The following UNC13C variants were observed in gnomAD, a reference collection of about 807,000 sequenced individuals.
UNC13C encodes the protein protein unc-13 homolog C.
In UNC13C, 174 loss-of-function variants were observed where a neutral mutation model predicts 245.4. The observed-to-expected ratio is 0.71, with a 90% CI of 0.63 to 0.80. The LOEUF is 0.80. Among genes scored for constraint, UNC13C ranks in the 30% least tolerant of loss-of-function variants. The pLI, the probability that UNC13C is intolerant of heterozygous loss-of-function variation, is 0.00. For missense variants in UNC13C, 2,829 were observed against 2,602.9 expected, an observed-to-expected ratio of 1.09 and a Z score of -1.89; for synonymous variants, 992 against 895.1, an observed-to-expected ratio of 1.11 and a Z score of -1.93.
chr15:53,984,678 T>C (rs1345056195), intron 1 of UNC13C, among the ~76,000 whole-genome samples: 1 of 152,126 alleles, frequency 6.6e-6, no homozygotes, highest in Non-Finnish European at 1.5e-5. Flanking sequence ...GCTCAGTAAA[T>C]ATTTGCTTTT....
At chr15:54,089,714 T>C (rs1899456477) in intron 2 of UNC13C, among the ~76,000 whole-genome samples, 2 of 151,680 alleles carry the variant, frequency 1.3e-5, no homozygotes, top group Admixed American at 1.3e-4. Context: ...GTGTGTTTGA[T>C]GCACTTCACC....
intron 2 of UNC13C, among the ~76,000 whole-genome samples, chr15:54,043,219 A>C (rs73416929): frequency 0.019 from 2,825 of 152,324 alleles, 107 homozygotes; most frequent in African/African-American, 0.066. Context: ...GCATTTATGC[A>C]ATAAAGGAGG....
chr15:53,859,597 T>G, the UNC13C span, among the ~76,000 whole-genome samples: 3 of 151,862 alleles, frequency 2.0e-5, no homozygotes, highest in East Asian at 5.8e-4. Flanking sequence ...GAAGGAGTCT[T>G]TGATAAGAAT....
intron 2 of UNC13C, among the ~76,000 whole-genome samples, chr15:54,043,341 A>G (rs536283990): frequency 1.3e-5 from 2 of 152,350 alleles, no homozygotes; most frequent in South Asian, 4.1e-4. Flanking sequence ...AGATACAGGA[A>G]CATGTGTCAC....
At chr15:54,289,784 C>T (rs1472758174) in intron 10 of UNC13C, among the ~76,000 whole-genome samples, 1 of 151,934 alleles carries the variant, frequency 6.6e-6, no homozygotes, top group African/African-American at 2.4e-5. Context: ...TATCACAGTA[C>T]TACATAGCAT....
intron 30 of UNC13C, among the ~76,000 whole-genome samples, chr15:54,584,286 C>CTTT (rs1159363214): frequency 2.6e-5 from 4 of 152,228 alleles, no homozygotes; most frequent in Admixed American, 6.5e-5. Context: ...TTAGAACACA[C>CTTT]TAGACCTATT....
chr15:54,085,341 T>C (rs181412524), intron 2 of UNC13C, among the ~76,000 whole-genome samples: 1 of 152,274 alleles, frequency 6.6e-6, no homozygotes, highest in African/African-American at 2.4e-5. Flanking sequence ...AAGCAAAAGA[T>C]ACAAAACATT....
intron 30 of UNC13C, among the ~76,000 whole-genome samples, chr15:54,603,579 T>G (rs952665140): frequency 6.6e-6 from 1 of 152,062 alleles, no homozygotes; most frequent in African/African-American, 2.4e-5. Flanking sequence ...TATGAAGAAC[T>G]GGCCAGGCAC....
intron 10 of UNC13C, among the ~76,000 whole-genome samples, chr15:54,280,606 C>T (rs2036954819): frequency 6.7e-6 from 1 of 148,948 alleles, no homozygotes; most frequent in South Asian, 2.1e-4. Flanking sequence ...CTCTTGCTCT[C>T]TCTCCATATA....
chr15:54,014,675 A>G lies in UNC13C; in HGVS notation c.1772A>G (p.Gln591Arg). ...GACCGGGAGCTATGGCAGAGGAAAC[A>G]GGAAGGAACAGCGACCCTGTATGAC... ...SSDRELWQRK[Q>R]EGTATLYDSP... The change falls in exon 2 of 33, where the codon CAG becomes CGG. Residue 591 changes from glutamine to arginine, a missense_variant. Transcript: ENST00000260323. 1.2e-6 allele frequency: 2 copies of G among 1,613,748 alleles called. No individual in the cohort carries two copies. The highest frequency in any genetic ancestry group is 1.7e-6 in the Non-Finnish European group (2 of 1,179,828).
chr15:54,396,419 A>G (rs898953424), intron 18 of UNC13C, among the ~76,000 whole-genome samples: 2 of 151,606 alleles, frequency 1.3e-5, no homozygotes, highest in African/African-American at 2.4e-5. Flanking sequence ...CATGTTATTT[A>G]TTCATTACAA....
chr15:54,589,286 CTTCTTTTTTTT>C (rs1898649391), intron 30 of UNC13C, among the ~76,000 whole-genome samples: 1 of 77,922 alleles, frequency 1.3e-5, no homozygotes, highest in Non-Finnish European at 2.6e-5. Context: ...TCTTCTTCTT[CTTCTTTTTTTT>C]TTTTTTTTTT....
At chr15:54,512,858 C>T (rs1894812166) in intron 24 of UNC13C, among the ~76,000 whole-genome samples, 1 of 151,992 alleles carries the variant, frequency 6.6e-6, no homozygotes, top group African/African-American at 2.4e-5. Flanking sequence ...TGCTTTTAAC[C>T]CCAAGGAGAT....
At chr15:54,316,139 T>C (rs2038002645) in intron 13 of UNC13C, among the ~76,000 whole-genome samples, 2 of 151,936 alleles carry the variant, frequency 1.3e-5, no homozygotes, top group African/African-American at 2.4e-5. Flanking sequence ...TACTCTAAGA[T>C]TTTGAACTTT....
intron 17 of UNC13C, among the ~76,000 whole-genome samples, chr15:54,369,461 G>A (rs1243106197): frequency 2.6e-5 from 4 of 152,202 alleles, no homozygotes; most frequent in Admixed American, 2.6e-4. Flanking sequence ...TGTAAGTAAT[G>A]ATTCAGGCAT....
chr15:54,074,830 A>G (rs1898509389), intron 2 of UNC13C, among the ~76,000 whole-genome samples: 1 of 151,896 alleles, frequency 6.6e-6, no homozygotes, highest in South Asian at 2.1e-4. Context: ...AACAGAGACA[A>G]TTTGACTTCC....
intron 1 of UNC13C, among the ~76,000 whole-genome samples, chr15:53,985,901 T>C (rs112484796): frequency 2.8e-4 from 42 of 152,174 alleles, no homozygotes; most frequent in African/African-American, 1.0e-3. Context: ...TCTTCCCATT[T>C]TGACTCCAGC....
At chr15:54,329,822 T>A (rs773929907) in intron 14 of UNC13C, among the ~76,000 whole-genome samples, 1 of 152,068 alleles carries the variant, frequency 6.6e-6, no homozygotes, top group African/African-American at 2.4e-5. Flanking sequence ...CACTGAAGAC[T>A]AGGTAGGGAA....
At chr15:54,354,451 CAT>C (rs2039050129) in intron 17 of UNC13C, among the ~76,000 whole-genome samples, 1 of 152,158 alleles carries the variant, frequency 6.6e-6, no homozygotes, top group Admixed American at 6.5e-5. Context: ...ACACAAAATA[CAT>C]AGTTTGCTGG....
Sources: gnomAD v4.1 joint callset for allele counts (sites outside exome capture counted in the v4.1 genomes callset) on GRCh38, gnomAD v4.1.1 for gene constraint, MANE v1.5 for transcripts, NCBI Gene and HGNC (gene_info 2026-07-23, HGNC 2026-07-21) for gene names.